The following INTS6 variants were observed in gnomAD, a reference collection of about 807,000 sequenced individuals.
INTS6 encodes the protein DEAD box protein.
In INTS6, 16 loss-of-function variants were observed where a neutral mutation model predicts 104.9. The observed-to-expected ratio is 0.15, with a 90% CI of 0.10 to 0.23. The LOEUF (loss-of-function observed/expected upper bound fraction) is 0.23. INTS6 is among the 10% of genes least tolerant of loss of function. The pLI is 1.00. For missense variants in INTS6, 584 were observed against 1,062.8 expected (o/e 0.55, Z 6.26); for synonymous variants, 324 against 358.7 (o/e 0.90, Z 1.09).
intron 2 of INTS6, 61 bp from the exon 3 acceptor site, chr13:51,451,235 T>G (rs1481506906): frequency 7.4e-7 from 1 of 1,350,788 alleles, no homozygotes. Flanking sequence ...CACAGAGCCG[T>G]TATAATCTGA....
At chr13:51,358,779 A>AGGAG (rs1233006231), downstream of INTS6, among the ~76,000 whole-genome samples, 5 of 152,098 alleles carry the variant, frequency 3.3e-5, no homozygotes, top group African/African-American at 1.2e-4. Context: ...AGAGTATGCC[A>AGGAG]GGAGGGAGGG....
intron 3 of INTS6, chr13:51,440,732 T>C (rs547120688): frequency 1.3e-4 from 20 of 152,334 alleles, no homozygotes; most frequent in Admixed American, 1.3e-3. Context: ...GGTAGATGTA[T>C]AGCCTAGGAG....
At chr13:51,348,237 A>G in the INTS6 span, 5 of 1,598,420 alleles carry the variant, frequency 3.1e-6, no homozygotes, top group Admixed American at 1.7e-5. Flanking sequence ...ACTGCAGGCC[A>G]TCAGGTGGGG....
At chr13:51,368,748 A>AC (rs1168823460) in intron 16 of INTS6, among the ~76,000 whole-genome samples, 191 bp downstream of exon 16, 2 of 152,154 alleles carry the variant, frequency 1.3e-5, no homozygotes, top group African/African-American at 4.8e-5. Flanking sequence ...CTACCACCAT[A>AC]CCTAGTACCT....
chr13:51,431,094 C>T (rs1483379393), intron 3 of INTS6, among the ~76,000 whole-genome samples: 1 of 152,168 alleles, frequency 6.6e-6, no homozygotes, highest in Non-Finnish European at 1.5e-5. Context: ...CCATTCAAAT[C>T]TCTGGCCAAC....
chr13:51,380,297 C>T (rs918942385), intron 10 of INTS6, among the ~76,000 whole-genome samples: 3 of 151,914 alleles, frequency 2.0e-5, no homozygotes, highest in Admixed American at 6.6e-5. Flanking sequence ...GTACTTTATA[C>T]GATGAAAAAT....
intron 3 of INTS6, among the ~76,000 whole-genome samples, chr13:51,433,216 C>T (rs569878122): frequency 5.3e-5 from 8 of 152,138 alleles, no homozygotes; most frequent in South Asian, 2.1e-4. Flanking sequence ...GGCCAAGGTA[C>T]GCGGATCACT....
At chr13:51,351,708 C>T (rs1479699013), downstream of INTS6, among the ~76,000 whole-genome samples, 1 of 152,114 alleles carries the variant, frequency 6.6e-6, no homozygotes, top group African/African-American at 2.4e-5. Flanking sequence ...ATAGACACCA[C>T]TGTCTAGTTA....
At chr13:51,444,543 G>C (rs1016029576) in intron 3 of INTS6, 2 of 151,924 alleles carry the variant, frequency 1.3e-5, no homozygotes, top group African/African-American at 4.8e-5. Context: ...GAGGTCAGGA[G>C]TTTCAGACCA....
intron 10 of INTS6, among the ~76,000 whole-genome samples, chr13:51,380,526 T>A (rs979169028): frequency 6.6e-5 from 10 of 152,302 alleles, no homozygotes; most frequent in African/African-American, 2.4e-4. Context: ...GTGTTTGTTC[T>A]TTTTTGTCCT....
At chr13:51,440,601 AT>A (rs1306652437) in intron 3 of INTS6, 4 of 152,082 alleles carry the variant, frequency 2.6e-5, no homozygotes, top group Non-Finnish European at 5.9e-5. Flanking sequence ...TAGGTATACC[AT>A]TTTTTATCTT....
At chr13:51,415,557 C>T (rs1037941711) in intron 4 of INTS6, among the ~76,000 whole-genome samples, 3 of 152,144 alleles carry the variant, frequency 2.0e-5, no homozygotes, top group Non-Finnish European at 4.4e-5. Context: ...TCTCTCTTTG[C>T]CTGCTGCCAC....
chr13:51,345,377 G>A, the INTS6 span, among the ~76,000 whole-genome samples: 6 of 152,026 alleles, frequency 3.9e-5, no homozygotes, highest in South Asian at 6.2e-4. Flanking sequence ...GGCAGATCAC[G>A]AGGTCAGGAG....
chr13:51,442,964 A>T (rs772875168), intron 3 of INTS6: 1 of 152,256 alleles, frequency 6.6e-6, no homozygotes, highest in Admixed American at 6.5e-5. Context: ...AGAATGTTAC[A>T]AGAAAGACTA....
At position 51,369,084 on chromosome 13, in the gene INTS6, T is replaced by G; in HGVS notation, c.2331A>C (p.Pro777=). ...CTTCAGCACATTGTTCTTTATCTCT[T>G]GGCTCCTCATGATTTTCTAAAAATC... is the stretch of plus-strand genomic sequence containing the variant. The part of the protein sequence containing the change: ...VGGFLENHEE[P]RDKEQCAEEN... Residue 777 remains proline (P), a synonymous_variant, in exon 16 of 18, where the codon CCA becomes CCC. Coordinates refer to ENST00000311234, the MANE Select transcript of INTS6 (RefSeq NM_012141.3). 6.2e-7 allele frequency: 1 copy of G among 1,613,880 alleles called. No individual in the cohort carries two copies. The highest frequency in any genetic ancestry group is 8.5e-7 in the Non-Finnish European group (1 of 1,179,824).
chr13:51,344,875 C>CA, the INTS6 span, among the ~76,000 whole-genome samples: 3,527 of 151,740 alleles, frequency 0.023, 59 homozygotes, highest in South Asian at 0.057. Flanking sequence ...CAACAGGAGC[C>CA]AAAAAAAGTG....
At chr13:51,422,119 T>C (rs1956906199) in intron 4 of INTS6, among the ~76,000 whole-genome samples, 1 of 152,186 alleles carries the variant, frequency 6.6e-6, no homozygotes, top group African/African-American at 2.4e-5. Flanking sequence ...GGTAATTGTT[T>C]TAAATGTTAA....
intron 15 of INTS6, among the ~76,000 whole-genome samples, chr13:51,371,306 C>A (rs1198404411): frequency 6.6e-6 from 1 of 152,166 alleles, no homozygotes; most frequent in South Asian, 2.1e-4. Context: ...CACATCCAGA[C>A]AAATTCAGAG....
At chr13:51,410,124 T>C (rs114286635) in intron 4 of INTS6, among the ~76,000 whole-genome samples, 120 of 152,288 alleles carry the variant, frequency 7.9e-4, no homozygotes, top group African/African-American at 2.8e-3. Flanking sequence ...TGGATCAGAA[T>C]AGCCAATAAG....
Sources: gnomAD v4.1 joint callset for allele counts (sites outside exome capture counted in the v4.1 genomes callset) on GRCh38, gnomAD v4.1.1 for gene constraint, MANE v1.5 for transcripts, NCBI Gene and HGNC (gene_info 2026-07-23, HGNC 2026-07-21) for gene names.